METTL6: variants seen among roughly 807,000 people sequenced by gnomAD.
METTL6 encodes tRNA N(3)-cytidine methyltransferase METTL6.
A neutral mutation model predicts 26.4 loss-of-function variants in METTL6; 22 were observed. The ratio of observed to expected loss-of-function variants is 0.83; its 90% confidence interval spans 0.59 to 1.19. METTL6 has a LOEUF of 1.19. Ranked by LOEUF, METTL6 falls within the 50% of genes most tolerant of loss-of-function variation. METTL6 has a pLI of 0.00. For synonymous variants in METTL6, 109 were observed against 116.2 expected (o/e 0.94, Z 0.40); for missense variants, 304 against 324.8 (o/e 0.94, Z 0.49).
intron 6 of METTL6, among the ~76,000 whole-genome samples, chr3:15,394,656 C>CGTGT: frequency 6.6e-6 from 1 of 152,292 alleles, no homozygotes; most frequent in East Asian, 1.9e-4. Flanking sequence ...TTTCCCTGTA[C>CGTGT]ACACTGCTTT....
rs149838502 is a variant in METTL6, at chr3:15,427,211, A to G, written c.-125+191T>C. The G allele has an allele frequency of 3.4e-3, 539 of 157,532 alleles. 1 individual carries two copies. Among genetic ancestry groups the G allele is most frequent in the African/African-American group, 7.0e-3 (289 of 41,570 alleles). The allele number at this position is 157,532 out of a possible 1,614,324, so 9.8% of individuals were successfully genotyped here. On this transcript the variant is annotated intron_variant, in intron 1 of 5. Transcript: ENST00000383790. The stretch of plus-strand genomic sequence containing the variant: ...CGGGCAAAGTGGAGAAAGAGACCCA[A>G]TGACGCGTGGCTGAGGTCCCGAGGA...
chr3:15,419,200 T>C (rs1408630926), intron 3 of METTL6, among the ~76,000 whole-genome samples: 1 of 150,690 alleles, frequency 6.6e-6, no homozygotes, highest in East Asian at 1.9e-4. Context: ...AAAAAAGAGA[T>C]ACTGTAAAGC....
chr3:15,397,580 G>A (rs915022964), intron 6 of METTL6, among the ~76,000 whole-genome samples: 3 of 152,160 alleles, frequency 2.0e-5, no homozygotes. Flanking sequence ...TGTCGCTCAC[G>A]CTGGGAGCTG....
At position 15,411,077 on chromosome 3, in the gene METTL6, T is replaced by G. The variant is rs760714150; in HGVS notation, c.*179A>C. ...CCAGCTAATTTTTTTGTATTTTTAG[T>G]AGAGATGGGGTCTCACCATGTTGGC... On this transcript the variant is annotated 3_prime_UTR_variant, in exon 6 of 6. Transcript: ENST00000383790. 2 of 580,442 alleles carry G rather than the reference T, an allele frequency of 3.4e-6. No homozygotes were observed. The allele number at this position is 580,442 out of a possible 1,614,324, so 36.0% of individuals were successfully genotyped here. A position where few individuals can be genotyped will look rare whatever the true frequency, so the allele number is the denominator to read the frequency against.
At chr3:15,400,375 T>C (rs1699608761) in intron 6 of METTL6, among the ~76,000 whole-genome samples, 1 of 152,220 alleles carries the variant, frequency 6.6e-6, no homozygotes, top group Non-Finnish European at 1.5e-5. Context: ...GAGGCCTCCA[T>C]GCATATGTGC....
intron 3 of METTL6, among the ~76,000 whole-genome samples, chr3:15,423,728 T>C (rs2061658239): frequency 6.6e-6 from 1 of 150,574 alleles, no homozygotes. Context: ...AATAAACAAA[T>C]AAACACTAGC....
chr3:15,403,891 T>C (rs1699714168), intron 6 of METTL6, among the ~76,000 whole-genome samples: 2 of 152,176 alleles, frequency 1.3e-5, no homozygotes, highest in Non-Finnish European at 2.9e-5. Flanking sequence ...TTTTAGATCA[T>C]AAAGGGCAAC....
chr3:15,383,361 T>C (rs953448915), exon 7 of METTL6: 4 of 152,004 alleles, frequency 2.6e-5, no homozygotes, highest in African/African-American at 9.7e-5. Flanking sequence ...ATTGTAAAAA[T>C]AATAACAATA....
intron 6 of METTL6, among the ~76,000 whole-genome samples, chr3:15,392,353 T>C (rs1278264502): frequency 6.6e-6 from 1 of 152,160 alleles, no homozygotes; most frequent in African/African-American, 2.4e-5. Context: ...GTTGTTTTTT[T>C]TCTTGTAAAT....
intron 6 of METTL6, among the ~76,000 whole-genome samples, chr3:15,400,537 T>C (rs981602979): frequency 6.6e-6 from 1 of 152,228 alleles, no homozygotes; most frequent in Non-Finnish European, 1.5e-5. Context: ...CATTCTCTTA[T>C]TTCTGGAAGG....
At chr3:15,400,878 GAAACT>G (rs1292090357) in intron 6 of METTL6, among the ~76,000 whole-genome samples, 1 of 152,030 alleles carries the variant, frequency 6.6e-6, no homozygotes, top group Admixed American at 6.6e-5. Flanking sequence ...AAACATAACT[GAAACT>G]ATACTTGTGA....
intron 6 of METTL6, among the ~76,000 whole-genome samples, chr3:15,397,405 G>A (rs1699519996): frequency 6.6e-6 from 1 of 152,140 alleles, no homozygotes; most frequent in South Asian, 2.1e-4. Context: ...GGCTAGGAAA[G>A]GGAATTCCCC....
chr3:15,414,354 CTTCT>C (rs1700099848), intron 4 of METTL6, 192 bp from the exon 5 acceptor site: 11 of 1,293,850 alleles, frequency 8.5e-6, no homozygotes, highest in Non-Finnish European at 1.1e-5. Flanking sequence ...CACTAAGACA[CTTCT>C]TTTTTTTTTT....
chr3:15,402,567 C>A (rs1248639586), intron 6 of METTL6, among the ~76,000 whole-genome samples: 1 of 151,820 alleles, frequency 6.6e-6, no homozygotes, highest in Non-Finnish European at 1.5e-5. Context: ...AACCCCCTCT[C>A]CACTAAAAAT....
chr3:15,395,861 TCAG>T (rs1250189860), intron 6 of METTL6, among the ~76,000 whole-genome samples: 1 of 152,266 alleles, frequency 6.6e-6, no homozygotes, highest in Non-Finnish European at 1.5e-5. Flanking sequence ...TGCTGAGAGA[TCAG>T]CTGTTAGTCT....
chr3:15,404,460 A>G (rs1699732890), intron 6 of METTL6, among the ~76,000 whole-genome samples: 3 of 151,580 alleles, frequency 2.0e-5, no homozygotes. Flanking sequence ...CATCTGCCTC[A>G]GCCTCCCGAG....
At chr3:15,413,870 G>A (rs755608859) in intron 5 of METTL6, 151 bp downstream of exon 5, 18 of 1,520,928 alleles carry the variant, frequency 1.2e-5, no homozygotes, top group Non-Finnish European at 1.2e-5. Context: ...TGCCTTCCAG[G>A]TGCTGGGTAA....
chr3:15,407,308 C>T (rs1699830125), downstream of METTL6, among the ~76,000 whole-genome samples: 1 of 152,208 alleles, frequency 6.6e-6, no homozygotes, highest in South Asian at 2.1e-4. Flanking sequence ...GCATGAGCCA[C>T]CATGCCCAGC....
At chr3:15,423,506 G>C (rs1332118753) in intron 3 of METTL6, among the ~76,000 whole-genome samples, 2 of 152,222 alleles carry the variant, frequency 1.3e-5, no homozygotes, top group Non-Finnish European at 2.9e-5. Context: ...TCTGAGGAGG[G>C]AGGATTGCTT....
Sources: allele counts gnomAD v4.1 joint callset (sites outside exome capture counted in the v4.1 genomes callset), GRCh38; gene constraint gnomAD v4.1.1; transcripts MANE v1.5; gene names NCBI Gene and HGNC (gene_info 2026-07-23, HGNC 2026-07-21).